The following FBH1 variants were observed in gnomAD, a reference collection of about 807,000 sequenced individuals.
FBH1 encodes DNA 3'-5' helicase 1.
Under a neutral mutation model 115.5 loss-of-function variants are expected in FBH1, and 43 were observed. The ratio of observed to expected loss-of-function variants is 0.37; its 90% CI spans 0.29 to 0.48. FBH1 has a LOEUF of 0.48. Ranked by LOEUF, FBH1 falls within the 20% of genes least tolerant of loss-of-function variation. The pLI, the probability that FBH1 is intolerant of heterozygous loss-of-function variation, is 0.99. For synonymous variants in FBH1, 524 were observed against 507.8 expected (o/e 1.03, Z -0.43); for missense variants, 1,001 against 1,337.3 (o/e 0.75, Z 3.92).
chr10:5,932,170 GATAAGAGA>G lies in FBH1; in HGVS notation c.2830-4284_2830-4277del, dbSNP rs1833007206. On this transcript the variant is annotated intron_variant, in intron 19 of 20. Transcript: ENST00000362091. The surrounding 1 kb of genome is among the most constrained non-coding windows in gnomAD (Gnocchi z 5.9). ...TCAAAAGAAAAGATCAAAACTTTGT[GATAAGAGA>G]AGTCTCATTACCTCCCTGTTCACTT... is the stretch of plus-strand genomic sequence containing the variant. Among the ~76,000 whole-genome samples, 1 of 152,144 alleles carries G rather than the reference GATAAGAGA, an allele frequency of 6.6e-6. No homozygotes were observed. Among genetic ancestry groups the G allele is most frequent in the African/African-American group, 2.4e-5 (1 of 41,432 alleles).
intron 1 of FBH1, among the ~76,000 whole-genome samples, chr10:5,898,936 T>G (rs549445696): frequency 1.3e-5 from 2 of 152,340 alleles, no homozygotes; most frequent in Admixed American, 6.5e-5. Flanking sequence ...TCATTGATGG[T>G]CATTATCAAT....
Position 5,917,711 on chromosome 10 carries a change from TACG to T in FBH1, c.1963+36_1963+38del. 2 of 1,527,254 alleles carry T rather than the reference TACG, an allele frequency of 1.3e-6. No individual in the cohort carries two copies. Among genetic ancestry groups the T allele is most frequent in the Non-Finnish European group, 1.8e-6 (2 of 1,104,316 alleles). The allele number at this position is 1,527,254 out of a possible 1,614,324, so 94.6% of individuals were successfully genotyped here. A position where few individuals can be genotyped will look rare whatever the true frequency, so the allele number is the denominator to read the frequency against. On this transcript the variant is annotated intron_variant, in intron 12 of 20. Transcript: ENST00000362091. This position sits in a 1 kb window ranked among gnomAD's most constrained non-coding sequence, Gnocchi z 5.6. ...TGTTCAGGACATCAGTAGTGTCAAATACGTAGAAACAGCGCCATGATTATGTAA... is the reference window on the plus strand; with the variant it reads ...TGTTCAGGACATCAGTAGTGTCAAATTAGAAACAGCGCCATGATTATGTAA...
chr10:5,935,410 C>G lies in FBH1; in HGVS notation c.2830-1046C>G, dbSNP rs955471724. 1 of 152,214 alleles carries G rather than the reference C, an allele frequency of 6.6e-6. No homozygotes were observed. The highest frequency in any genetic ancestry group is 1.5e-5 in the Non-Finnish European group (1 of 68,048). The allele number at this position is 152,214 out of a possible 1,614,324, so 9.4% of individuals were successfully genotyped here. On this transcript the variant is annotated intron_variant, in intron 19 of 20. Transcript: ENST00000362091. The surrounding 1 kb of genome is among the most constrained non-coding windows in gnomAD (Gnocchi z 5.2). ...AAATTAGACATCTATAAAAGGAGAC[C>G]TGTGTCCTTGGACACGTGTAAACGA...
Position 5,924,030 on chromosome 10 carries a change from G to A in FBH1, c.2399-281G>A, listed in dbSNP as rs1485258180. On this transcript the variant is annotated intron_variant, in intron 16 of 20. Coordinates refer to ENST00000362091, the MANE Select transcript of FBH1 (RefSeq NM_178150.3). This position sits in a 1 kb window ranked among gnomAD's most constrained non-coding sequence, Gnocchi z 6.2. Reference sequence around the variant, plus strand: ...TGATAGCGTCGAGCATTTCTATAGCGCTTTTCTTTTCCTGTTGACTGCACT... The same window carrying A: ...TGATAGCGTCGAGCATTTCTATAGCACTTTTCTTTTCCTGTTGACTGCACT... The A allele has an allele frequency of 5.3e-6, 3 of 566,012 alleles. No homozygotes were observed. The highest frequency in any genetic ancestry group is 3.1e-5 in the Admixed American group (1 of 32,524). The allele number at this position is 566,012 out of a possible 1,614,324, so 35.1% of individuals were successfully genotyped here.
At position 5,909,198 on chromosome 10, in the gene FBH1, C is replaced by T. The variant is rs61729842; in HGVS notation, c.924C>T (p.Pro308=). 9.8e-4 allele frequency: 1,581 copies of T among 1,613,594 alleles called. 19 individuals are homozygous for T. The African/African-American group carries it at 0.019, about 19-fold the overall frequency. ...ATTKCSPSVD[P]ERVLWSLRDH... ...CTAAGTGCTCTCCGAGTGTGGATCC[C>T]GAGAGGGTGCTGTGGAGTCTGAGGG... The change falls in exon 5 of 21, where the codon CCC becomes CCT. Residue 308 remains proline, a synonymous_variant. Coordinates refer to ENST00000362091, the MANE Select transcript of FBH1 (RefSeq NM_178150.3). This position sits in a 1 kb window ranked among gnomAD's most constrained non-coding sequence, Gnocchi z 4.4.
intron 18 of FBH1, among the ~76,000 whole-genome samples, chr10:5,926,080 CTTG>C (rs1027794987): frequency 3.4e-4 from 50 of 148,552 alleles, no homozygotes; most frequent in African/African-American, 1.1e-3. Flanking sequence ...TGTCTGCTTT[CTTG>C]TTGTTGTTGT....
In FBH1 at chr10:5,937,517, TAAAAA is replaced by T; in HGVS notation, c.*250_*254del. On this transcript the variant is annotated 3_prime_UTR_variant, in exon 21 of 21. Coordinates refer to ENST00000362091, the MANE Select transcript of FBH1 (RefSeq NM_178150.3). The stretch of plus-strand genomic sequence containing the variant: ...AGGGAAGTGGGGGATGTTCTTTTGA[TAAAAA>T]AAAAAAAAAAAATTTATGTATTTAA... The T allele has an allele frequency of 3.6e-6, 1 of 275,842 alleles. No homozygotes were observed. Among genetic ancestry groups the T allele is most frequent in the Non-Finnish European group, 6.6e-6 (1 of 151,862 alleles). 17.1% of individuals were successfully genotyped at this position (275,842 alleles called of 1,614,324 possible).
Position 5,936,793 on chromosome 10 carries a change from C to T in FBH1, c.2961+206C>T, listed in dbSNP as rs959730924. 11 of 671,058 alleles carry T rather than the reference C, an allele frequency of 1.6e-5. No individual in the cohort carries two copies. Among genetic ancestry groups the T allele is most frequent in the African/African-American group, 5.4e-5 (3 of 55,226 alleles). The allele number at this position is 671,058 out of a possible 1,614,324, so 41.6% of individuals were successfully genotyped here. ...TGATGCTGCCTGGCTGTGCTGAAGC[C>T]GCAGGTCTGGGAGGCTGGGTTGTGA... On this transcript the variant is annotated intron_variant, in intron 20 of 20. Transcript: ENST00000362091. This position sits in a 1 kb window ranked among gnomAD's most constrained non-coding sequence, Gnocchi z 5.6.
intron 1 of FBH1, among the ~76,000 whole-genome samples, chr10:5,902,624 G>T (rs760805072): frequency 4.0e-5 from 6 of 151,868 alleles, no homozygotes; most frequent in Non-Finnish European, 7.4e-5. Flanking sequence ...GCACCACCAC[G>T]CCCAGCTAAT....
Position 5,895,043 on chromosome 10 carries a change from TC to T in FBH1, c.1+4700del, listed in dbSNP as rs1418386958. ...CAGTTAACTGTTGAAATTGGGCCATTCCCGTTTCACAGGCTGCCATTGGACC... is the reference window on the plus strand; with the variant it reads ...CAGTTAACTGTTGAAATTGGGCCATTCCGTTTCACAGGCTGCCATTGGACC... On this transcript the variant is annotated intron_variant, in intron 1 of 20. Coordinates refer to ENST00000362091, the MANE Select transcript of FBH1 (RefSeq NM_178150.3). The surrounding 1 kb of genome is among the most constrained non-coding windows in gnomAD (Gnocchi z 5.0). 5 of 1,608,736 alleles carry T rather than the reference TC, an allele frequency of 3.1e-6. No individual in the cohort carries two copies. The highest frequency in any genetic ancestry group is 3.4e-6 in the Non-Finnish European group (4 of 1,176,614).
In FBH1 at chr10:5,917,194, C is replaced by T. The variant is rs1279533614; in HGVS notation, c.1789-226C>T. The stretch of plus-strand genomic sequence containing the variant: ...TTCACCTAACTGTTATGATCTCTGT[C>T]CTGTCACGGGCATGGCACGGCCCGG... On this transcript the variant is annotated intron_variant, in intron 10 of 20. Transcript: ENST00000362091. This position sits in a 1 kb window ranked among gnomAD's most constrained non-coding sequence, Gnocchi z 5.6. 1 of 565,360 alleles carries T rather than the reference C, an allele frequency of 1.8e-6. No individual in the cohort carries two copies. The highest frequency in any genetic ancestry group is 3.2e-6 in the Non-Finnish European group (1 of 314,358). 35.0% of individuals were successfully genotyped at this position (565,360 alleles called of 1,614,324 possible). A position where few individuals can be genotyped will look rare whatever the true frequency, so the allele number is the denominator to read the frequency against.
chr10:5,910,880 A>AT lies in FBH1; in HGVS notation c.1021-56dup, dbSNP rs1319576138. 6.8e-7 allele frequency: 1 copy of AT among 1,475,570 alleles called. No homozygotes were observed. Among genetic ancestry groups the AT allele is most frequent in the Admixed American group, 1.9e-5 (1 of 52,568 alleles). The allele number at this position is 1,475,570 out of a possible 1,614,324, so 91.4% of individuals were successfully genotyped here. On this transcript the variant is annotated intron_variant, in intron 5 of 20. Coordinates refer to ENST00000362091, the MANE Select transcript of FBH1 (RefSeq NM_178150.3). The surrounding 1 kb of genome is among the most constrained non-coding windows in gnomAD (Gnocchi z 4.8). ...GCTTTCCTGACTCCTTCCTGCTGTG[A>AT]TTCGTATTAACCATGGCCTGTGGGC...
Position 5,913,233 on chromosome 10 carries a change from A to G in FBH1, c.1212-514A>G, listed in dbSNP as rs891008781. On this transcript the variant is annotated intron_variant, in intron 6 of 20. Transcript: ENST00000362091. The surrounding 1 kb of genome is among the most constrained non-coding windows in gnomAD (Gnocchi z 4.4). ...AGGTCCTTAGTAGTCAGATCTTGTT[A>G]TCCATAGTGTAGTCCCTTTTCTTGG... 6.6e-6 allele frequency among the ~76,000 whole-genome samples: 1 copy of G among 152,168 alleles called. No homozygotes were observed. Among genetic ancestry groups the G allele is most frequent in the African/African-American group, 2.4e-5 (1 of 41,426 alleles).
chr10:5,935,237 G>T lies in FBH1; in HGVS notation c.2830-1219G>T, dbSNP rs978624431. On this transcript the variant is annotated intron_variant, in intron 19 of 20. Transcript: ENST00000362091. This position sits in a 1 kb window ranked among gnomAD's most constrained non-coding sequence, Gnocchi z 5.2. The stretch of plus-strand genomic sequence containing the variant: ...GGGAGTCAGGTACAGGATGTTCATT[G>T]CTGCATTGTTGGAAATAGTTTGGAA... The T allele has an allele frequency of 1.3e-5, 2 of 152,202 alleles. No homozygotes were observed. Among genetic ancestry groups the T allele is most frequent in the African/African-American group, 4.8e-5 (2 of 41,454 alleles). 9.4% of individuals were successfully genotyped at this position (152,202 alleles called of 1,614,324 possible).
At chr10:5,916,704 C>CAG (rs56267828) in intron 10 of FBH1, among the ~76,000 whole-genome samples, 31,023 of 91,930 alleles carry the variant, frequency 0.34, 6,435 homozygotes, top group East Asian at 0.49. Context: ...GATGGGGGAA[C>CAG]GGGAAGTGTT....
intron 2 of FBH1, 112 bp downstream of exon 2, chr10:5,903,287 C>T (rs1843473855): frequency 5.6e-6 from 4 of 714,096 alleles, no homozygotes; most frequent in Non-Finnish European, 8.3e-6. Context: ...TTGTAGTCTT[C>T]ATGCAATAGC....
In FBH1 at chr10:5,924,457, G is replaced by C. The variant is rs765263513; in HGVS notation, c.2545G>C (p.Glu849Gln). 6.2e-7 allele frequency: 1 copy of C among 1,614,168 alleles called. No individual in the cohort carries two copies. Among genetic ancestry groups the C allele is most frequent in the Non-Finnish European group, 8.5e-7 (1 of 1,179,998 alleles). ...TGAAAAGTATAACATCAGGATTCCA[G>C]AGCTGGTGCAAAGGATAGAAAAATG... The part of the protein sequence containing the change: ...VVEKYNIRIP[E>Q]LVQRIEKCHI... The change falls in exon 17 of 21, where the codon GAG (glutamate) becomes CAG (glutamine). Residue 849 changes from glutamate to glutamine, a missense_variant. Physicochemically the swap from Glu to Gln is conservative, Grantham distance 29. Coordinates refer to ENST00000362091, the MANE Select transcript of FBH1 (RefSeq NM_178150.3). The surrounding 1 kb of genome is among the most constrained non-coding windows in gnomAD (Gnocchi z 6.2).
rs1452587375 is a variant in FBH1 at position 5,900,061 on chromosome 10, G to A, written c.2-2959G>A. Among the ~76,000 whole-genome samples, 2 of 152,248 alleles carry A rather than the reference G, an allele frequency of 1.3e-5. No homozygotes were observed. Among genetic ancestry groups the A allele is most frequent in the South Asian group, 4.1e-4 (2 of 4,830 alleles). On this transcript the variant is annotated intron_variant, in intron 1 of 20. Transcript: ENST00000362091. This position sits in a 1 kb window ranked among gnomAD's most constrained non-coding sequence, Gnocchi z 4.2. Reference sequence around the variant, plus strand: ...GTTTGCTTTTCTGTTCATAATAAGCGAGACATGTTACTGGTTAGTTTAGAA... The same window carrying A: ...GTTTGCTTTTCTGTTCATAATAAGCAAGACATGTTACTGGTTAGTTTAGAA...
rs1044351107 is a variant in FBH1 at position 5,917,235 on chromosome 10, G to A, written c.1789-185G>A. On this transcript the variant is annotated intron_variant, in intron 10 of 20. Coordinates refer to ENST00000362091, the MANE Select transcript of FBH1 (RefSeq NM_178150.3). The surrounding 1 kb of genome is among the most constrained non-coding windows in gnomAD (Gnocchi z 5.6). ...CACGGCCCGGCTGCTTCCTGTCTCA[G>A]CACTGGAGACCCTCTGGCGTGGAGA... is the stretch of plus-strand genomic sequence containing the variant. 1.3e-5 allele frequency: 8 copies of A among 602,480 alleles called. No homozygotes were observed. Among genetic ancestry groups the A allele is most frequent in the Non-Finnish European group, 1.8e-5 (6 of 333,694 alleles). The allele number at this position is 602,480 out of a possible 1,614,324, so 37.3% of individuals were successfully genotyped here. A position where few individuals can be genotyped will look rare whatever the true frequency, so the allele number is the denominator to read the frequency against.
Sources: allele counts gnomAD v4.1 joint callset (sites outside exome capture counted in the v4.1 genomes callset), GRCh38; gene constraint gnomAD v4.1.1; non-coding constraint Gnocchi (gnomAD v3.1); transcripts MANE v1.5; gene names NCBI Gene and HGNC (gene_info 2026-07-23, HGNC 2026-07-21).